TCF20: variants seen among roughly 807,000 people sequenced by gnomAD.
TCF20 encodes the protein SPRE-binding protein.
A neutral mutation model predicts 148.6 loss-of-function variants in TCF20; 3 were observed. The ratio of observed to expected loss-of-function variants is 0.02; its 90% confidence interval spans 0.01 to 0.05. TCF20 has a LOEUF of 0.05. Among genes scored for constraint, TCF20 ranks in the 10% least tolerant of loss-of-function variants. TCF20 has a pLI of 1.00. For synonymous variants in TCF20, 1,049 were observed against 909.5 expected, an observed-to-expected ratio of 1.15 and a Z score of -2.76; for missense variants, 2,350 against 2,429.3, an observed-to-expected ratio of 0.97 and a Z score of 0.69.
chr22:42,189,128 C>T (rs1286761890), intron 2 of TCF20, among the ~76,000 whole-genome samples: 2 of 152,176 alleles, frequency 1.3e-5, no homozygotes, highest in South Asian at 2.1e-4. Context: ...CCAGGGCCAA[C>T]AATGGCTGTT....
At chr22:42,196,585 A>C (rs924850594) in intron 2 of TCF20, among the ~76,000 whole-genome samples, 2 of 152,332 alleles carry the variant, frequency 1.3e-5, no homozygotes, top group Middle Eastern at 3.4e-3. Context: ...CTTTCAAGCA[A>C]ACCAGAGGCC....
At chr22:42,293,995 G>A (rs1309790120) in intron 1 of TCF20, among the ~76,000 whole-genome samples, 5 of 152,344 alleles carry the variant, frequency 3.3e-5, no homozygotes, top group South Asian at 4.1e-4. Context: ...GGGAGACTCC[G>A]TCTCAAAGAA....
chr22:42,213,771 T>C lies in TCF20; in HGVS notation c.1535A>G (p.Lys512Arg). Reference sequence around the variant, plus strand: ...ATCTAATGACTCTGCCATAGGGGACTTCAGCTGTTCTTCAGGTTGTGAGGA... The same window carrying C: ...ATCTAATGACTCTGCCATAGGGGACCTCAGCTGTTCTTCAGGTTGTGAGGA... The part of the protein sequence containing the change: ...EGSSQPEEQL[K>R]SPMAESLDGG... Residue 512 changes from lysine (K) to arginine (R), a missense_variant, in exon 2 of 6, where the codon AAG becomes AGG. By Grantham distance (26) the Lys-to-Arg change is conservative (BLOSUM62 2). Around this residue, in one of 7 missense-constraint regions of TCF20, gnomAD observed 1,641 missense variants for 1,662.6 expected, o/e 0.99. Transcript: ENST00000677622. 6.2e-7 allele frequency: 1 copy of C among 1,614,156 alleles called. No individual in the cohort carries two copies. Among genetic ancestry groups the C allele is most frequent in the Middle Eastern group, 1.7e-4 (1 of 6,018 alleles).
intron 1 of TCF20, among the ~76,000 whole-genome samples, chr22:42,222,076 G>A (rs557054047): frequency 6.6e-6 from 1 of 152,314 alleles, no homozygotes; most frequent in South Asian, 2.1e-4. Flanking sequence ...CAGAGACAGA[G>A]CAAGGCCTCT....
chr22:42,226,887 A>C (rs368484424), intron 1 of TCF20, among the ~76,000 whole-genome samples: 27 of 152,232 alleles, frequency 1.8e-4, no homozygotes, highest in African/African-American at 6.3e-4. Flanking sequence ...CAAATGGTAT[A>C]GCTAGATAAA....
At chr22:42,306,024 G>A (rs1299840185) in intron 1 of TCF20, among the ~76,000 whole-genome samples, 1 of 152,230 alleles carries the variant, frequency 6.6e-6, no homozygotes, top group Non-Finnish European at 1.5e-5. Context: ...CAATCTCCCA[G>A]ATCTGGTGAG....
At chr22:42,224,030 G>A (rs1022772342) in intron 1 of TCF20, among the ~76,000 whole-genome samples, 3 of 152,106 alleles carry the variant, frequency 2.0e-5, no homozygotes, top group African/African-American at 4.8e-5. Context: ...TGTCTAGAAG[G>A]AAAGAAACCC....
intron 3 of TCF20, among the ~76,000 whole-genome samples, chr22:42,175,591 G>A (rs1046287189): frequency 1.3e-5 from 2 of 151,512 alleles, no homozygotes; most frequent in African/African-American, 2.4e-5. Flanking sequence ...CGCCCACTTC[G>A]GCCTCCCAAA....
At chr22:42,295,586 G>A (rs1881879174) in intron 1 of TCF20, among the ~76,000 whole-genome samples, 1 of 152,024 alleles carries the variant, frequency 6.6e-6, no homozygotes, top group South Asian at 2.1e-4. Context: ...TGGGATTACA[G>A]GCAGGCACCA....
chr22:42,243,617 A>T (rs1052604470), intron 1 of TCF20, among the ~76,000 whole-genome samples: 7 of 152,102 alleles, frequency 4.6e-5, no homozygotes, highest in Non-Finnish European at 7.4e-5. Flanking sequence ...CAAACAAAAA[A>T]AGGTCAAATA....
At chr22:42,183,776 CTT>C (rs58819800) in intron 2 of TCF20, among the ~76,000 whole-genome samples, 114 of 139,856 alleles carry the variant, frequency 8.2e-4, no homozygotes, top group Middle Eastern at 3.6e-3. Context: ...CTTTTAGGTT[CTT>C]TTTTTTTTTT....
In TCF20 at chr22:42,169,840, G is replaced by C; in HGVS notation, c.5799+7C>G. ...CCTGCTGGTAGCTCTTGGGGCCTCT[G>C]ACTCACCTTGTGCTTAGGGCACCTC... On this transcript the variant is annotated splice_region_variant and intron_variant, in intron 4 of 5. Coordinates refer to ENST00000677622, the MANE Select transcript of TCF20 (RefSeq NM_001378418.1). 3.1e-6 allele frequency: 5 copies of C among 1,613,500 alleles called. No homozygotes were observed. The highest frequency in any genetic ancestry group is 4.2e-6 in the Non-Finnish European group (5 of 1,179,994).
chr22:42,239,937 C>T (rs1230228396), intron 1 of TCF20, among the ~76,000 whole-genome samples: 1 of 152,088 alleles, frequency 6.6e-6, no homozygotes, highest in African/African-American at 2.4e-5. Context: ...TTGCAATAAA[C>T]CTTCAATTTA....
At chr22:42,187,527 C>T (rs887665450) in intron 2 of TCF20, among the ~76,000 whole-genome samples, 3 of 152,202 alleles carry the variant, frequency 2.0e-5, no homozygotes, top group African/African-American at 7.2e-5. Context: ...GCACAGAAAG[C>T]CTGACCCAGG....
At chr22:42,324,608 T>C (rs1269347860) in intron 1 of TCF20, among the ~76,000 whole-genome samples, 1 of 150,842 alleles carries the variant, frequency 6.6e-6, no homozygotes, top group Non-Finnish European at 1.5e-5. Context: ...TCCGAGAAGA[T>C]AATCTCCACC....
At chr22:42,318,526 C>T (rs988292351) in intron 1 of TCF20, among the ~76,000 whole-genome samples, 2 of 152,112 alleles carry the variant, frequency 1.3e-5, no homozygotes, top group South Asian at 2.1e-4. Context: ...CTCATTAAGA[C>T]GAAGAACAGA....
rs755181971 is a variant in TCF20, at chr22:42,210,196, C to T, written c.5110G>A (p.Val1704Ile). ...GCCCACTTGCCACACAGACAGCAAA[C>T]CAGGTGCCCCATAACCGAAGACTCT... ...VTESSVMGHL[V>I]CCLCGKWASY... The change falls in exon 2 of 6, where the codon GTT becomes ATT. Residue 1704 changes from valine (V) to isoleucine (I), a missense_variant. Transcript: ENST00000677622. This position sits in a 1 kb window ranked among gnomAD's most constrained non-coding sequence, Gnocchi z 4.7. 1.2e-6 allele frequency: 2 copies of T among 1,614,042 alleles called. No individual in the cohort carries two copies. Among genetic ancestry groups the T allele is most frequent in the Non-Finnish European group, 1.7e-6 (2 of 1,180,046 alleles).
In TCF20 at chr22:42,279,827, G is replaced by T. The variant is rs905083590; in HGVS notation, c.-37+4000C>A. ...AGGGAGAGTGAATGAGCCACTGGGG[G>T]CCTCCGTGGCAATCGGGCTCACAAA... is the stretch of plus-strand genomic sequence containing the variant. On this transcript the variant is annotated intron_variant, in intron 1 of 5. Coordinates refer to the TCF20 transcript ENST00000359486. This position sits in a 1 kb window ranked among gnomAD's most constrained non-coding sequence, Gnocchi z 4.3. Among the ~76,000 whole-genome samples, 10 of 152,212 alleles carry T rather than the reference G, an allele frequency of 6.6e-5. No individual in the cohort carries two copies. Among genetic ancestry groups the T allele is most frequent in the Non-Finnish European group, 1.2e-4 (8 of 68,036 alleles).
chr22:42,304,861 C>T (rs1259083349), intron 1 of TCF20, among the ~76,000 whole-genome samples: 4 of 152,050 alleles, frequency 2.6e-5, no homozygotes, highest in Non-Finnish European at 4.4e-5. Context: ...CAGCTAAGGT[C>T]GGGCGCTGGG....
Sources: gnomAD v4.1 joint callset for allele counts (sites outside exome capture counted in the v4.1 genomes callset) on GRCh38, gnomAD v4.1.1 for gene constraint, gnomAD v4.1.1 regional missense constraint, Gnocchi (gnomAD v3.1) non-coding constraint, MANE v1.5 for transcripts, NCBI Gene and HGNC (gene_info 2026-07-23, HGNC 2026-07-21) for gene names.